The following ADAMTS18 variants were observed in gnomAD, a reference collection of about 807,000 sequenced individuals.
ADAMTS18 encodes the protein A disintegrin and metalloproteinase with thrombospondin motifs 18.
A neutral mutation model predicts 165.9 loss-of-function variants in ADAMTS18; 157 were observed. The ratio of observed to expected loss-of-function variants is 0.95; its 90% CI spans 0.83 to 1.08. ADAMTS18 has a LOEUF of 1.08. ADAMTS18 is among the 50% of genes least tolerant of loss of function. The pLI is 0.00. For missense variants in ADAMTS18, 2,040 were observed against 1,534.0 expected (o/e 1.33, Z -5.51); for synonymous variants, 782 against 578.2 (o/e 1.35, Z -5.06).
intron 11 of ADAMTS18, among the ~76,000 whole-genome samples, chr16:77,339,057 G>A (rs1050789106): frequency 4.6e-5 from 7 of 152,136 alleles, no homozygotes; most frequent in African/African-American, 1.7e-4. Context: ...GAAGAAAGAG[G>A]AAGGACAGAG....
chr16:77,348,416 T>C (rs952592821), intron 10 of ADAMTS18, among the ~76,000 whole-genome samples: 24 of 152,152 alleles, frequency 1.6e-4, no homozygotes, highest in Non-Finnish European at 2.9e-4. Flanking sequence ...AAGTCTCCCA[T>C]CCGAGGCAGG....
intron 16 of ADAMTS18, among the ~76,000 whole-genome samples, chr16:77,309,645 A>T (rs2055744476): frequency 6.6e-6 from 1 of 152,228 alleles, no homozygotes; most frequent in South Asian, 2.1e-4. Flanking sequence ...TATAAAAATA[A>T]CCAGAAGCAG....
At chr16:77,426,451 A>C (rs1230229525) in intron 3 of ADAMTS18, among the ~76,000 whole-genome samples, 1 of 152,180 alleles carries the variant, frequency 6.6e-6, no homozygotes, top group Non-Finnish European at 1.5e-5. Context: ...CAATATGCTA[A>C]TATGCATTGT....
chr16:77,431,707 G>C, intron 2 of ADAMTS18, 96 bp from the exon 3 acceptor site: 1 of 1,292,616 alleles, frequency 7.7e-7, no homozygotes, highest in Non-Finnish European at 1.1e-6. Context: ...AAAGCTCAAA[G>C]ATATCTTTGT....
chr16:77,421,884 T>G (rs12931272), intron 3 of ADAMTS18, among the ~76,000 whole-genome samples: 89,976 of 151,930 alleles, frequency 0.59, 27,815 homozygotes, highest in Middle Eastern at 0.74. Flanking sequence ...AAAATAAATA[T>G]GCAGTAATTA....
chr16:77,369,609 C>T (rs1323577005), intron 3 of ADAMTS18, among the ~76,000 whole-genome samples: 2 of 152,170 alleles, frequency 1.3e-5, no homozygotes, highest in Admixed American at 6.5e-5. Context: ...AATAAAAAGT[C>T]TCCCATCAAA....
chr16:77,399,266 C>T (rs993260730), intron 3 of ADAMTS18, among the ~76,000 whole-genome samples: 1 of 152,176 alleles, frequency 6.6e-6, no homozygotes, highest in African/African-American at 2.4e-5. Flanking sequence ...GGTACCACTT[C>T]AGGCAGTGGG....
intron 3 of ADAMTS18, among the ~76,000 whole-genome samples, chr16:77,372,890 AC>A: frequency 6.6e-6 from 1 of 152,220 alleles, no homozygotes; most frequent in East Asian, 1.9e-4. Context: ...GCACTAATCA[AC>A]TTCTTCCATT....
intron 7 of ADAMTS18, among the ~76,000 whole-genome samples, chr16:77,361,607 G>A (rs2056714221): frequency 1.3e-5 from 2 of 152,208 alleles, no homozygotes; most frequent in Admixed American, 6.5e-5. Flanking sequence ...ATACAAGCCA[G>A]GTGAGGTGGC....
chr16:77,335,348 G>C (rs2144674132), intron 12 of ADAMTS18, among the ~76,000 whole-genome samples: 1 of 151,460 alleles, frequency 6.6e-6, no homozygotes, highest in African/African-American at 2.4e-5. Flanking sequence ...GTAGTGGGGA[G>C]GGAGAATGGT....
chr16:77,384,457 G>C (rs987751144), intron 3 of ADAMTS18, among the ~76,000 whole-genome samples: 1 of 152,156 alleles, frequency 6.6e-6, no homozygotes, highest in African/African-American at 2.4e-5. Context: ...AGAAGGTACT[G>C]GCGTGACACT....
intron 18 of ADAMTS18, among the ~76,000 whole-genome samples, chr16:77,295,761 T>C (rs2055457721): frequency 6.6e-6 from 1 of 152,172 alleles, no homozygotes; most frequent in South Asian, 2.1e-4. Flanking sequence ...CCTACCTTCA[T>C]TTTCTTTAAA....
intron 16 of ADAMTS18, among the ~76,000 whole-genome samples, chr16:77,306,077 G>A (rs1236314508): frequency 6.6e-6 from 1 of 152,176 alleles, no homozygotes; most frequent in Admixed American, 6.5e-5. Flanking sequence ...ATGTCGGAGT[G>A]TATAGCCAAG....
intron 8 of ADAMTS18, among the ~76,000 whole-genome samples, chr16:77,356,854 G>A (rs2434898): frequency 0.37 from 55,709 of 151,854 alleles, 11,118 homozygotes; most frequent in Non-Finnish European, 0.46. Context: ...ACATTAATGT[G>A]CATACCCACA....
chr16:77,426,913 C>T (rs1449942717), intron 3 of ADAMTS18, among the ~76,000 whole-genome samples: 1 of 152,116 alleles, frequency 6.6e-6, no homozygotes, highest in African/African-American at 2.4e-5. Context: ...ACTTGGGGGG[C>T]TGAGTTGGGA....
At chr16:77,304,458 C>A (rs1199100903) in intron 16 of ADAMTS18, among the ~76,000 whole-genome samples, 1 of 152,200 alleles carries the variant, frequency 6.6e-6, no homozygotes. Context: ...GAGACACTGT[C>A]TCAAAAACAA....
At chr16:77,317,670 A>C (rs1298180866) in intron 16 of ADAMTS18, among the ~76,000 whole-genome samples, 1 of 152,170 alleles carries the variant, frequency 6.6e-6, no homozygotes, top group East Asian at 1.9e-4. Flanking sequence ...GGAAATTTCA[A>C]GATGTCATCT....
chr16:77,360,774 G>T lies in ADAMTS18; in HGVS notation c.1216+1331C>A, dbSNP rs556996731. Among the ~76,000 whole-genome samples the T allele has an allele frequency of 2.0e-5, 3 of 152,252 alleles. No homozygotes were observed. In the South Asian group the frequency reaches 6.2e-4, roughly 32 times the overall value. On this transcript the variant is annotated intron_variant, in intron 7 of 22. Transcript: ENST00000282849. ...TAGGACATAACAGAGAAACTGCAGA[G>T]AATTTGAGAAACATAAAAAATAAAA... is the stretch of plus-strand genomic sequence containing the variant.
At chr16:77,332,563 A>C (rs953780022) in intron 12 of ADAMTS18, among the ~76,000 whole-genome samples, 4 of 152,208 alleles carry the variant, frequency 2.6e-5, no homozygotes, top group African/African-American at 9.7e-5. Flanking sequence ...AAAGCCACAG[A>C]GTTTAGAAGT....
Sources: gnomAD v4.1 joint callset for allele counts (sites outside exome capture counted in the v4.1 genomes callset) on GRCh38, gnomAD v4.1.1 for gene constraint, MANE v1.5 for transcripts, NCBI Gene and HGNC (gene_info 2026-07-23, HGNC 2026-07-21) for gene names.